Variants in GALNT17 observed in about 807,000 individuals in gnomAD.
GALNT17 encodes the protein UDP-GalNAc:polypeptide N-acetylgalactosaminyltransferase-like 3.
GALNT17 carries 29 observed loss-of-function variants against 63.7 expected under a neutral mutation model. That is an observed-to-expected ratio of 0.46 (90% CI 0.34 to 0.62). The LOEUF (loss-of-function observed/expected upper bound fraction) is 0.62, where lower values mean the gene tolerates loss of function less well. Among genes scored for constraint, GALNT17 ranks in the 20% least tolerant of loss-of-function variants. The probability of loss-of-function intolerance (pLI) is 0.01; values close to 1 mark genes in which losing one functional copy is unlikely to be tolerated. For missense variants in GALNT17, 603 were observed against 799.6 expected (o/e 0.75, Z 2.97); for synonymous variants, 305 against 318.3 (o/e 0.96, Z 0.45).
intron 5 of GALNT17, among the ~76,000 whole-genome samples, chr7:71,556,536 C>T (rs918725218): frequency 6.6e-6 from 1 of 152,080 alleles, no homozygotes; most frequent in African/African-American, 2.4e-5. Context: ...GTCTGCTAAA[C>T]TCACCCTCGG....
intron 6 of GALNT17, among the ~76,000 whole-genome samples, chr7:71,622,612 C>G (rs866633561): frequency 6.6e-6 from 1 of 152,084 alleles, no homozygotes; most frequent in African/African-American, 2.4e-5. Flanking sequence ...CTAACACTTC[C>G]AGGACACAAC....
At chr7:71,157,897 T>C (rs1788267161) in intron 1 of GALNT17, among the ~76,000 whole-genome samples, 1 of 151,740 alleles carries the variant, frequency 6.6e-6, no homozygotes, top group Non-Finnish European at 1.5e-5. Context: ...TTGTGCTTGG[T>C]TGATTTCACT....
chr7:71,378,440 A>G (rs1477650212), intron 2 of GALNT17, among the ~76,000 whole-genome samples: 1 of 152,138 alleles, frequency 6.6e-6, no homozygotes, highest in African/African-American at 2.4e-5. Context: ...GGGCTGGTTA[A>G]TGCACTTGAC....
chr7:71,422,470 T>C (rs1786683569), intron 5 of GALNT17, among the ~76,000 whole-genome samples: 1 of 152,240 alleles, frequency 6.6e-6, no homozygotes, highest in Non-Finnish European at 1.5e-5. Context: ...AACCTGTGAA[T>C]GGTCCTTTAT....
At chr7:71,637,510 T>C (rs1157231507) in intron 6 of GALNT17, among the ~76,000 whole-genome samples, 1 of 147,504 alleles carries the variant, frequency 6.8e-6, no homozygotes, top group Non-Finnish European at 1.5e-5. Context: ...TTTTTAGCCA[T>C]CAAGTAGCCT....
intron 2 of GALNT17, among the ~76,000 whole-genome samples, chr7:71,345,865 A>G (rs994857914): frequency 6.6e-6 from 1 of 151,816 alleles, no homozygotes; most frequent in African/African-American, 2.4e-5. Flanking sequence ...CGGTTTTTAT[A>G]TAGGGTGAAA....
At chr7:71,535,233 A>AT (rs1219958774) in intron 5 of GALNT17, among the ~76,000 whole-genome samples, 5 of 152,078 alleles carry the variant, frequency 3.3e-5, no homozygotes, top group South Asian at 2.1e-4. Flanking sequence ...TTAAATAGCT[A>AT]TTTTTTTGGC....
chr7:71,487,760 A>G (rs1787936650), intron 5 of GALNT17, among the ~76,000 whole-genome samples: 1 of 152,186 alleles, frequency 6.6e-6, no homozygotes, highest in Admixed American at 6.5e-5. Flanking sequence ...CACCAACCTA[A>G]TAGTAGTGAT....
chr7:71,380,190 T>C (rs191048377), intron 2 of GALNT17, among the ~76,000 whole-genome samples: 1 of 151,754 alleles, frequency 6.6e-6, no homozygotes, highest in East Asian at 1.9e-4. Flanking sequence ...TTCAGCAAAA[T>C]AGGTTGCACA....
intron 1 of GALNT17, among the ~76,000 whole-genome samples, chr7:71,134,457 C>T (rs1288707017): frequency 6.6e-6 from 1 of 152,014 alleles, no homozygotes; most frequent in South Asian, 2.1e-4. Context: ...CTGCTGGGTA[C>T]TGGGGGAGGG....
intron 6 of GALNT17, among the ~76,000 whole-genome samples, chr7:71,627,180 G>A (rs1294040051): frequency 6.6e-6 from 1 of 152,202 alleles, no homozygotes; most frequent in Non-Finnish European, 1.5e-5. Flanking sequence ...CTTCACTGCT[G>A]AGTGCAACGT....
intron 3 of GALNT17, among the ~76,000 whole-genome samples, chr7:71,413,459 A>G (rs1418908762): frequency 1.3e-5 from 2 of 151,814 alleles, no homozygotes; most frequent in Non-Finnish European, 2.9e-5. Flanking sequence ...TCCGCCTCCC[A>G]GGTTCAAGCA....
At position 71,132,770 on chromosome 7, in the gene GALNT17, C is replaced by A. The variant is rs1787705847; in HGVS notation, c.-33C>A. On this transcript the variant is annotated 5_prime_UTR_variant, in exon 1 of 11. Transcript: ENST00000333538. ...CGCCTCGCCGGAGCCCGAGGGGGCG[C>A]AGGTCCGGGGCGAGGGCCGGCCGGG... 1 of 1,545,502 alleles carries A rather than the reference C, an allele frequency of 6.5e-7. No individual in the cohort carries two copies.
chr7:71,351,080 G>T (rs1488465654), intron 2 of GALNT17, among the ~76,000 whole-genome samples: 1 of 152,196 alleles, frequency 6.6e-6, no homozygotes, highest in Non-Finnish European at 1.5e-5. Context: ...GGCAGAGGGT[G>T]CAGTGAGCCA....
chr7:71,401,090 T>C (rs1257689133), intron 3 of GALNT17, among the ~76,000 whole-genome samples: 1 of 146,854 alleles, frequency 6.8e-6, no homozygotes, highest in African/African-American at 2.7e-5. Context: ...CTTTTCTTTT[T>C]CTTTTTCTTT....
intron 6 of GALNT17, among the ~76,000 whole-genome samples, chr7:71,589,176 T>C (rs1437408988): frequency 6.6e-6 from 1 of 152,170 alleles, no homozygotes; most frequent in Non-Finnish European, 1.5e-5. Flanking sequence ...GCACCACAGT[T>C]AGTCTGTATT....
intron 1 of GALNT17, among the ~76,000 whole-genome samples, chr7:71,225,421 C>T (rs553415935): frequency 6.6e-6 from 1 of 152,346 alleles, no homozygotes; most frequent in Admixed American, 6.5e-5. Context: ...CTTTCTGCTG[C>T]ATAATGGCGG....
At chr7:71,144,406 AATC>A (rs1376486313) in intron 1 of GALNT17, among the ~76,000 whole-genome samples, 2 of 152,110 alleles carry the variant, frequency 1.3e-5, no homozygotes, top group African/African-American at 2.4e-5. Context: ...AGAACCTGAT[AATC>A]ATCATTATTA....
intron 6 of GALNT17, among the ~76,000 whole-genome samples, chr7:71,623,633 A>C (rs1562713901): frequency 6.6e-6 from 1 of 151,636 alleles, no homozygotes; most frequent in African/African-American, 2.4e-5. Context: ...ACAAGGTTTC[A>C]TTACGTTGGC....
Sources: gnomAD v4.1 joint callset for allele counts (sites outside exome capture counted in the v4.1 genomes callset) on GRCh38, gnomAD v4.1.1 for gene constraint, MANE v1.5 for transcripts, NCBI Gene and HGNC (gene_info 2026-07-23, HGNC 2026-07-21) for gene names.